Variants in RIMS2 observed in about 807,000 individuals in gnomAD.
RIMS2 encodes the protein regulating synaptic membrane exocytosis protein 2.
In RIMS2, 59 loss-of-function variants were observed where a neutral mutation model predicts 174.4. The observed-to-expected ratio is 0.34, with a 90% CI of 0.27 to 0.42. The LOEUF (loss-of-function observed/expected upper bound fraction) is 0.42, where lower values mean the gene tolerates loss of function less well. Among genes scored for constraint, RIMS2 ranks in the 10% least tolerant of loss-of-function variants. RIMS2 has a pLI of 1.00. For synonymous variants in RIMS2, 606 were observed against 572.5 expected, an observed-to-expected ratio of 1.06 and a Z score of -0.84; for missense variants, 1,620 against 1,666.3, an observed-to-expected ratio of 0.97 and a Z score of 0.48.
At chr8:103,926,662 A>G (rs952192994) in intron 10 of RIMS2, among the ~76,000 whole-genome samples, 2 of 151,534 alleles carry the variant, frequency 1.3e-5, no homozygotes, top group South Asian at 2.1e-4. Context: ...GCCTTTAACT[A>G]TTTATGATTT....
intron 14 of RIMS2, among the ~76,000 whole-genome samples, chr8:103,954,296 T>C (rs2086408867): frequency 6.6e-6 from 1 of 152,148 alleles, no homozygotes; most frequent in South Asian, 2.1e-4. Flanking sequence ...CAACAGAATA[T>C]ACATTCTTCT....
Position 103,816,057 on chromosome 8 carries a change from T to A in RIMS2, c.698+49520T>A, listed in dbSNP as rs111846523. Among the ~76,000 whole-genome samples the A allele has an allele frequency of 5.0e-3, 760 of 152,306 alleles. 7 individuals carry two copies. The highest frequency in any genetic ancestry group is 0.017 in the African/African-American group (721 of 41,568). ...TGACAGAAGTCTCCAATATTTATGT[T>A]ACATGTGAACCTGCACTATATTGAA... On this transcript the variant is annotated intron_variant, in intron 3 of 23. Coordinates refer to ENST00000504942, the Ensembl canonical transcript of RIMS2.
At chr8:104,140,607 G>A (rs547458413) in intron 19 of RIMS2, among the ~76,000 whole-genome samples, 70 of 152,256 alleles carry the variant, frequency 4.6e-4, no homozygotes, top group African/African-American at 1.5e-3. Flanking sequence ...AGAACAATTA[G>A]AGAAAATTCC....
chr8:104,209,970 A>G (rs1336038838), intron 19 of RIMS2, among the ~76,000 whole-genome samples: 2 of 152,216 alleles, frequency 1.3e-5, no homozygotes, highest in Non-Finnish European at 2.9e-5. Context: ...GGAGCTTGCA[A>G]TCACTACGTA....
At chr8:103,773,085 T>G (rs1269038270) in intron 3 of RIMS2, among the ~76,000 whole-genome samples, 1 of 152,074 alleles carries the variant, frequency 6.6e-6, no homozygotes, top group African/African-American at 2.4e-5. Context: ...TCTTCCAAAT[T>G]TTAGGGTAAT....
chr8:103,919,898 TATC>T (rs1270681488), intron 9 of RIMS2, among the ~76,000 whole-genome samples: 1 of 152,004 alleles, frequency 6.6e-6, no homozygotes, highest in East Asian at 1.9e-4. Context: ...AAAATGATAT[TATC>T]ATCATTATCC....
chr8:104,221,120 A>G (rs556013868), intron 19 of RIMS2, among the ~76,000 whole-genome samples: 82 of 152,270 alleles, frequency 5.4e-4, no homozygotes, highest in African/African-American at 1.9e-3. Context: ...AAATATAAAT[A>G]TATTTTCTAT....
chr8:103,510,715 C>T lies in RIMS2; in HGVS notation c.176+9653C>T, dbSNP rs576414825. 1.4e-3 allele frequency among the ~76,000 whole-genome samples: 220 copies of T among 152,150 alleles called. No individual in the cohort carries two copies. The South Asian group carries it at 0.015, about 10-fold the overall frequency. On this transcript the variant is annotated intron_variant, in intron 1 of 23. Transcript: ENST00000504942. ...CTGTCATTGCATCTCTCTCTGCCCACGACTAGGAAAGATTTTTTCTCTTTT... is the reference window on the plus strand; with the variant it reads ...CTGTCATTGCATCTCTCTCTGCCCATGACTAGGAAAGATTTTTTCTCTTTT...
chr8:103,797,383 G>T (rs2098557007), intron 3 of RIMS2, among the ~76,000 whole-genome samples: 1 of 152,020 alleles, frequency 6.6e-6, no homozygotes, highest in Non-Finnish European at 1.5e-5. Context: ...ACATGTTTGG[G>T]TCTATACATA....
chr8:103,701,750 G>A (rs529385825), intron 2 of RIMS2, among the ~76,000 whole-genome samples: 47 of 152,064 alleles, frequency 3.1e-4, no homozygotes, highest in African/African-American at 1.1e-3. Context: ...CCATGTCACT[G>A]CAAATGACAG....
chr8:103,582,011 C>T (rs777872243), intron 1 of RIMS2, among the ~76,000 whole-genome samples: 5 of 152,170 alleles, frequency 3.3e-5, no homozygotes, highest in Non-Finnish European at 7.4e-5. Context: ...GCTTGTGGCT[C>T]CAAAAGAGAA....
intron 19 of RIMS2, among the ~76,000 whole-genome samples, chr8:104,187,908 G>GT (rs201006709): frequency 0.018 from 2,732 of 151,630 alleles, 36 homozygotes; most frequent in Middle Eastern, 0.037. Context: ...CAAGAGAAGA[G>GT]TTTTTTTAAA....
At chr8:104,206,425 A>G (rs183251503) in intron 19 of RIMS2, among the ~76,000 whole-genome samples, 5 of 152,328 alleles carry the variant, frequency 3.3e-5, no homozygotes, top group South Asian at 2.1e-4. Context: ...GCATTTTTGT[A>G]GATGTATATC....
chr8:104,020,137 T>C (rs1472470997), intron 19 of RIMS2, among the ~76,000 whole-genome samples: 1 of 152,058 alleles, frequency 6.6e-6, no homozygotes, highest in Admixed American at 6.5e-5. Context: ...TATATACTTT[T>C]CTCTTGTGTT....
chr8:103,521,357 T>C (rs1048456639), intron 1 of RIMS2, among the ~76,000 whole-genome samples: 10 of 152,080 alleles, frequency 6.6e-5, no homozygotes, highest in African/African-American at 2.4e-4. Flanking sequence ...CCTATACAAC[T>C]GTTCATTTTT....
chr8:103,727,813 T>C (rs923901563), intron 2 of RIMS2, among the ~76,000 whole-genome samples: 6 of 152,174 alleles, frequency 3.9e-5, no homozygotes, highest in African/African-American at 1.4e-4. Context: ...GTTTTTATGT[T>C]AGTACTGTGC....
chr8:103,602,578 T>A (rs2094813033), intron 1 of RIMS2, among the ~76,000 whole-genome samples: 1 of 152,190 alleles, frequency 6.6e-6, no homozygotes, highest in Non-Finnish European at 1.5e-5. Flanking sequence ...TGTTCTTGCA[T>A]TAGTTTGCTT....
At chr8:103,918,947 A>G (rs1259843156) in intron 9 of RIMS2, among the ~76,000 whole-genome samples, 2 of 152,336 alleles carry the variant, frequency 1.3e-5, no homozygotes, top group East Asian at 1.9e-4. Flanking sequence ...GTGAATAATT[A>G]CATTTATTCT....
intron 2 of RIMS2, among the ~76,000 whole-genome samples, chr8:103,722,571 A>G (rs975443773): frequency 5.9e-5 from 9 of 152,184 alleles, no homozygotes; most frequent in Admixed American, 5.2e-4. Context: ...CTGATCTGAC[A>G]GGAGGCAGAG....
Sources: gnomAD v4.1 joint callset for allele counts (sites outside exome capture counted in the v4.1 genomes callset) on GRCh38, gnomAD v4.1.1 for gene constraint, MANE v1.5 for transcripts, NCBI Gene and HGNC (gene_info 2026-07-23, HGNC 2026-07-21) for gene names.